The following ULBP2 variants were observed in gnomAD, a reference collection of about 807,000 sequenced individuals.
The protein encoded by ULBP2 is UL16 binding protein 2.
Under a neutral mutation model 23.6 loss-of-function variants are expected in ULBP2, and 21 were observed. The ratio of observed to expected loss-of-function variants is 0.89; its 90% CI spans 0.63 to 1.28. The LOEUF (loss-of-function observed/expected upper bound fraction) is 1.28, where lower values mean the gene tolerates loss of function less well. ULBP2 is among the 50% of genes most tolerant of loss of function. The pLI is 0.00. For synonymous variants in ULBP2, 82 were observed against 112.8 expected (o/e 0.73, Z 1.73); for missense variants, 251 against 306.0 (o/e 0.82, Z 1.34).
At chr6:149,943,718 C>T (rs906020168) in intron 1 of ULBP2, among the ~76,000 whole-genome samples, 2 of 150,946 alleles carry the variant, frequency 1.3e-5, no homozygotes, top group African/African-American at 5.0e-5. Context: ...GGCAAAAGGC[C>T]CCATCTCTGC....
intron 3 of ULBP2, 146 bp from the exon 4 acceptor site, chr6:149,947,174 G>T: frequency 1.4e-6 from 2 of 1,477,564 alleles, no homozygotes; most frequent in South Asian, 1.2e-5. Flanking sequence ...CCTAAGCCAG[G>T]ACCTGTCATA....
At chr6:149,947,257 A>C in intron 3 of ULBP2, 63 bp from the exon 4 acceptor site, 1 of 1,488,336 alleles carries the variant, frequency 6.7e-7, no homozygotes, top group Admixed American at 1.9e-5. Flanking sequence ...GCAGGAACTG[A>C]GGAGGTGTCT....
Position 149,943,113 on chromosome 6 carries a change from A to T in ULBP2, c.85+956A>T, listed in dbSNP as rs372951896. On this transcript the variant is annotated intron_variant, in intron 1 of 4. Coordinates refer to ENST00000367351, the MANE Select transcript of ULBP2 (RefSeq NM_025217.4). ...TTGCAGGCCGTGGGTTCTCCGTCTC[A>T]GTGTCCAGTCCTGTCCCTTTGTAGA... 4.7e-3 allele frequency among the ~76,000 whole-genome samples: 722 copies of T among 152,134 alleles called. 7 individuals are homozygous for T. Among genetic ancestry groups the T allele is most frequent in the African/African-American group, 0.017 (690 of 41,408 alleles).
At position 149,948,823 on chromosome 6, in the gene ULBP2, C is replaced by T. The variant is rs1562488457; in HGVS notation, c.*123C>T. 1 of 455,066 alleles carries T rather than the reference C, an allele frequency of 2.2e-6. No individual in the cohort carries two copies. The highest frequency in any genetic ancestry group is 4.4e-6 in the Non-Finnish European group (1 of 226,268). 28.2% of individuals were successfully genotyped at this position (455,066 alleles called of 1,614,324 possible). On this transcript the variant is annotated 3_prime_UTR_variant, in exon 5 of 5. Coordinates refer to ENST00000367351, the MANE Select transcript of ULBP2 (RefSeq NM_025217.4). ...CGACCTACGGTGTATGTCCAGTGGC[C>T]TCCAGCAGATCATGATGACATCATG...
At chr6:149,943,482 C>T (rs1440627372) in intron 1 of ULBP2, among the ~76,000 whole-genome samples, 1 of 152,108 alleles carries the variant, frequency 6.6e-6, no homozygotes, top group African/African-American at 2.4e-5. Context: ...ACGTGGTGTC[C>T]TGGGGATCGG....
chr6:149,942,553 C>T (rs1778879338), intron 1 of ULBP2, among the ~76,000 whole-genome samples: 1 of 152,110 alleles, frequency 6.6e-6, no homozygotes, highest in Admixed American at 6.5e-5. Context: ...TCACAGACAC[C>T]CCCACCAGCC....
intron 1 of ULBP2, among the ~76,000 whole-genome samples, chr6:149,942,837 C>G (rs1778883729): frequency 6.6e-6 from 1 of 152,112 alleles, no homozygotes; most frequent in Admixed American, 6.5e-5. Context: ...CACCTTCTGC[C>G]TCTTGCCTGA....
In ULBP2 at chr6:149,945,545, A is replaced by G; in HGVS notation, c.322A>G (p.Ile108Val). The change falls in exon 2 of 5, where the codon ATT becomes GTT. Residue 108 changes from isoleucine to valine, a missense_variant. Physicochemically the swap from Ile to Val is conservative, Grantham distance 29. Transcript: ENST00000367351. Reference sequence around the variant, plus strand: ...CATACTTACAGAGCAACTGCGTGACATTCAGCTGGAGAATTACACACCCAA... The same window carrying G: ...CATACTTACAGAGCAACTGCGTGACGTTCAGCTGGAGAATTACACACCCAA... Reference protein sequence around the residue: ...VDILTEQLRDIQLENYTPKEP... With the variant: ...VDILTEQLRDVQLENYTPKEP... 2 of 1,614,042 alleles carry G rather than the reference A, an allele frequency of 1.2e-6. No homozygotes were observed. Among genetic ancestry groups the G allele is most frequent in the South Asian group, 1.1e-5 (1 of 91,080 alleles).
intron 1 of ULBP2, among the ~76,000 whole-genome samples, chr6:149,942,869 C>A (rs184847473): frequency 6.6e-6 from 1 of 152,156 alleles, no homozygotes; most frequent in African/African-American, 2.4e-5. Context: ...AGCAAACACA[C>A]CCCAAGCTCC....
At chr6:149,944,211 G>C (rs1778903423) in intron 1 of ULBP2, among the ~76,000 whole-genome samples, 1 of 152,024 alleles carries the variant, frequency 6.6e-6, no homozygotes, top group African/African-American at 2.4e-5. Context: ...GTTCTTGATG[G>C]ACTGGCTACT....
At chr6:149,946,715 T>C (rs1778948249) in intron 3 of ULBP2, 62 bp downstream of exon 3, 1 of 1,598,008 alleles carries the variant, frequency 6.3e-7, no homozygotes, top group Non-Finnish European at 8.5e-7. Context: ...CTCAAGAAGT[T>C]AGTTCTTGAG....
chr6:149,942,367 T>G, intron 1 of ULBP2, among the ~76,000 whole-genome samples: 1 of 149,610 alleles, frequency 6.7e-6, no homozygotes, highest in Admixed American at 6.6e-5. Context: ...AGGAGCGGGG[T>G]GGAAAGGAGG....
intron 1 of ULBP2, 94 bp downstream of exon 1, chr6:149,942,251 G>C (rs904060828): frequency 4.0e-5 from 53 of 1,341,124 alleles, no homozygotes; most frequent in Non-Finnish European, 4.9e-5. Flanking sequence ...CTTCTAGAAG[G>C]ACGGGGGAGA....
At chr6:149,943,637 G>A (rs1264620676) in intron 1 of ULBP2, among the ~76,000 whole-genome samples, 1 of 152,162 alleles carries the variant, frequency 6.6e-6, no homozygotes, top group Non-Finnish European at 1.5e-5. Flanking sequence ...CAGCTCTGAG[G>A]CCTTCAGCAA....
chr6:149,942,195 A>C (rs758013300), intron 1 of ULBP2, 38 bp downstream of exon 1: 2 of 1,601,386 alleles, frequency 1.2e-6, no homozygotes, highest in Non-Finnish European at 1.7e-6. Context: ...GGCGGGGACC[A>C]AGCCTGGAGG....
intron 1 of ULBP2, 57 bp downstream of exon 1, chr6:149,942,214 C>T: frequency 6.4e-7 from 1 of 1,561,614 alleles, no homozygotes; most frequent in South Asian, 1.2e-5. Context: ...GGGCTGTGAA[C>T]TGCCGCGGGT....
intron 1 of ULBP2, among the ~76,000 whole-genome samples, chr6:149,942,911 A>T (rs1778885018): frequency 6.6e-6 from 1 of 152,028 alleles, no homozygotes; most frequent in Admixed American, 6.6e-5. Context: ...GATGGGAAGC[A>T]CCATTTCCTC....
chr6:149,945,102 CAG>C (rs1355175806), intron 1 of ULBP2, among the ~76,000 whole-genome samples: 1 of 151,394 alleles, frequency 6.6e-6, no homozygotes, highest in Non-Finnish European at 1.5e-5. Context: ...TCTCAGCAGA[CAG>C]AGACTTCCTC....
chr6:149,943,371 G>A (rs1778891940), intron 1 of ULBP2, among the ~76,000 whole-genome samples: 1 of 152,052 alleles, frequency 6.6e-6, no homozygotes, highest in Admixed American at 6.6e-5. Flanking sequence ...CCATAGTTGG[G>A]GGCTTATTCT....
Sources: allele counts gnomAD v4.1 joint callset (sites outside exome capture counted in the v4.1 genomes callset), GRCh38; gene constraint gnomAD v4.1.1; transcripts MANE v1.5; gene names NCBI Gene and HGNC (gene_info 2026-07-23, HGNC 2026-07-21).